PACSIN2: variants seen among roughly 807,000 people sequenced by gnomAD.
PACSIN2 encodes the protein protein kinase C and casein kinase substrate in neurons protein 2.
Under a neutral mutation model 63.8 loss-of-function variants are expected in PACSIN2, and 25 were observed. The ratio of observed to expected loss-of-function variants is 0.39; its 90% CI spans 0.29 to 0.55. The LOEUF (loss-of-function observed/expected upper bound fraction) is 0.55. PACSIN2 is among the 20% of genes least tolerant of loss of function. The pLI is 0.62. For missense variants in PACSIN2, 518 were observed against 646.9 expected, an observed-to-expected ratio of 0.80 and a Z score of 2.16; for synonymous variants, 255 against 256.2, an observed-to-expected ratio of 1.00 and a Z score of 0.05.
intron 1 of PACSIN2, among the ~76,000 whole-genome samples, chr22:42,914,390 G>A (rs895063581): frequency 2.0e-5 from 3 of 152,120 alleles, no homozygotes; most frequent in Admixed American, 2.0e-4. Flanking sequence ...GTGCCACCAC[G>A]CTCGGCTAAT....
At chr22:42,962,081 C>T (rs187258634) in intron 1 of PACSIN2, among the ~76,000 whole-genome samples, 2 of 151,898 alleles carry the variant, frequency 1.3e-5, no homozygotes, top group Admixed American at 1.3e-4. Flanking sequence ...TCTGGGGAAG[C>T]AAGTTTGAGA....
chr22:42,912,687 T>C (rs1257102086), intron 1 of PACSIN2, among the ~76,000 whole-genome samples: 1 of 152,062 alleles, frequency 6.6e-6, no homozygotes, highest in Non-Finnish European at 1.5e-5. Context: ...CAATCTACAA[T>C]CCAGGCAAGG....
chr22:42,944,003 G>A (rs1053335064), intron 1 of PACSIN2, among the ~76,000 whole-genome samples: 2 of 152,152 alleles, frequency 1.3e-5, no homozygotes, highest in African/African-American at 4.8e-5. Flanking sequence ...AACAGAAGAG[G>A]AGATGGCTGG....
intron 6 of PACSIN2, among the ~76,000 whole-genome samples, chr22:42,883,501 G>C (rs890045868): frequency 6.6e-6 from 1 of 152,210 alleles, no homozygotes; most frequent in African/African-American, 2.4e-5. Context: ...CTCTGCCCTG[G>C]TGAAGGCATC....
intron 1 of PACSIN2, among the ~76,000 whole-genome samples, chr22:42,927,497 T>C (rs1932612912): frequency 1.3e-5 from 2 of 151,978 alleles, no homozygotes; most frequent in African/African-American, 4.8e-5. Context: ...GATCCACCCA[T>C]CTTGGCCTCC....
intron 1 of PACSIN2, among the ~76,000 whole-genome samples, chr22:42,988,806 A>T (rs1922807094): frequency 6.6e-6 from 1 of 152,248 alleles, no homozygotes; most frequent in African/African-American, 2.4e-5. Flanking sequence ...TTAGCTTGCC[A>T]TAAAATTTAC....
intron 1 of PACSIN2, among the ~76,000 whole-genome samples, chr22:42,966,259 A>C (rs1920954624): frequency 6.6e-6 from 1 of 152,040 alleles, no homozygotes; most frequent in South Asian, 2.1e-4. Context: ...AGTCCCAGCT[A>C]CTTGGGAGGC....
At chr22:42,923,663 G>A (rs962490175) in intron 1 of PACSIN2, among the ~76,000 whole-genome samples, 15 of 152,134 alleles carry the variant, frequency 9.9e-5, no homozygotes, top group African/African-American at 3.6e-4. Context: ...TCCTGACCTC[G>A]TGATCCGCCC....
chr22:42,881,140 C>T (rs1353158218), intron 7 of PACSIN2, among the ~76,000 whole-genome samples: 1 of 152,170 alleles, frequency 6.6e-6, no homozygotes, highest in Non-Finnish European at 1.5e-5. Flanking sequence ...GCAGGGCCCA[C>T]ACTGTCATTT....
intron 1 of PACSIN2, among the ~76,000 whole-genome samples, chr22:43,006,104 TATA>T: frequency 6.6e-6 from 1 of 152,236 alleles, no homozygotes; most frequent in South Asian, 2.1e-4. Context: ...CTCATGCCTT[TATA>T]AAAAGTACCT....
At position 42,891,102 on chromosome 22, in the gene PACSIN2, C is replaced by A. The variant is rs183890188; in HGVS notation, c.298G>T (p.Val100Leu). Residue 100 changes from valine to leucine, a missense_variant, in exon 4 of 11, where the codon GTG becomes TTG. By Grantham distance (32) the Val-to-Leu change is conservative (BLOSUM62 1). Coordinates refer to ENST00000263246, the MANE Select transcript of PACSIN2 (RefSeq NM_001184970.3). ...TCATCGTTCATCAGTGAGGCCTTCA[C>A]CTCGAGGTGCAGCTCGCTCACCCTC... ...AERVSELHLE[V>L]KASLMNDDFE... 1 of 1,614,136 alleles carries A rather than the reference C, an allele frequency of 6.2e-7. No individual in the cohort carries two copies. The highest frequency in any genetic ancestry group is 2.2e-5 in the East Asian group (1 of 44,870).
intron 1 of PACSIN2, among the ~76,000 whole-genome samples, chr22:42,979,858 C>T (rs1043976396): frequency 1.3e-5 from 2 of 152,236 alleles, no homozygotes; most frequent in African/African-American, 2.4e-5. Context: ...GCCCAGTGTG[C>T]TGAAACACGT....
intron 7 of PACSIN2, among the ~76,000 whole-genome samples, chr22:42,881,524 G>A (rs533156875): frequency 6.6e-6 from 1 of 152,338 alleles, no homozygotes; most frequent in Non-Finnish European, 1.5e-5. Flanking sequence ...GACGCCACGT[G>A]CTTAAGCCTC....
chr22:42,969,416 T>A (rs1921074528), intron 1 of PACSIN2, among the ~76,000 whole-genome samples: 1 of 152,220 alleles, frequency 6.6e-6, no homozygotes, highest in African/African-American at 2.4e-5. Flanking sequence ...GGAATATTAT[T>A]ATTACCCTGT....
rs570836384 is a variant in PACSIN2 at position 42,966,040 on chromosome 22, G to C, written c.-78+48981C>G. ...TAGTGGCTATTTGCAAATCCTACTT[G>C]TTAGCCTTTCATATGTTTCATGAAC... On this transcript the variant is annotated intron_variant, in intron 1 of 10. Transcript: ENST00000263246. Among the ~76,000 whole-genome samples the C allele has an allele frequency of 3.9e-5, 6 of 152,180 alleles. No individual in the cohort carries two copies. In the South Asian group the frequency reaches 1.0e-3, roughly 26 times the overall value.
intron 1 of PACSIN2, chr22:42,993,494 A>G (rs1923190290): frequency 1.3e-5 from 2 of 152,254 alleles, no homozygotes; most frequent in Admixed American, 1.3e-4. Context: ...CCAAGTAAGA[A>G]TATCCTTTAG....
chr22:42,957,797 C>T (rs1933974933), intron 1 of PACSIN2, among the ~76,000 whole-genome samples: 2 of 152,102 alleles, frequency 1.3e-5, no homozygotes, highest in African/African-American at 4.8e-5. Flanking sequence ...GAATTGAGTG[C>T]TTGTCTGTTT....
rs1029431777 is a variant in PACSIN2, at chr22:42,870,683, C to T, written c.*674G>A. 6.6e-6 allele frequency: 1 copy of T among 152,198 alleles called. No individual in the cohort carries two copies. Among genetic ancestry groups the T allele is most frequent in the Non-Finnish European group, 1.5e-5 (1 of 68,054 alleles). The allele number at this position is 152,198 out of a possible 1,614,324, so 9.4% of individuals were successfully genotyped here. A position where few individuals can be genotyped will look rare whatever the true frequency, so the allele number is the denominator to read the frequency against. On this transcript the variant is annotated 3_prime_UTR_variant, in exon 11 of 11. Coordinates refer to ENST00000263246, the MANE Select transcript of PACSIN2 (RefSeq NM_001184970.3). ...CTACCTAAGGTTCTATGTAAAGCTTCCATTCAGATGCCCAAAAGCACAAAG... is the reference window on the plus strand; with the variant it reads ...CTACCTAAGGTTCTATGTAAAGCTTTCATTCAGATGCCCAAAAGCACAAAG...
At chr22:42,991,143 A>G (rs1029174970) in intron 1 of PACSIN2, among the ~76,000 whole-genome samples, 1 of 152,146 alleles carries the variant, frequency 6.6e-6, no homozygotes, top group African/African-American at 2.4e-5. Context: ...GCAGATGGAG[A>G]CTTTACCACC....
Sources: gnomAD v4.1 joint callset for allele counts (sites outside exome capture counted in the v4.1 genomes callset) on GRCh38, gnomAD v4.1.1 for gene constraint, MANE v1.5 for transcripts, NCBI Gene and HGNC (gene_info 2026-07-23, HGNC 2026-07-21) for gene names.